The following TMTC2 variants were observed in gnomAD, a reference collection of about 807,000 sequenced individuals.
The protein encoded by TMTC2 is transmembrane O-mannosyltransferase targeting cadherins 2.
Under a neutral mutation model 82.4 loss-of-function variants are expected in TMTC2, and 43 were observed. The observed-to-expected ratio is 0.52, with a 90% CI of 0.41 to 0.67. The LOEUF (loss-of-function observed/expected upper bound fraction) is 0.67. Ranked by LOEUF, TMTC2 falls within the 30% of genes least tolerant of loss-of-function variation. TMTC2 has a pLI of 0.00. For synonymous variants in TMTC2, 408 were observed against 381.9 expected, an observed-to-expected ratio of 1.07 and a Z score of -0.80; for missense variants, 919 against 1,012.4, an observed-to-expected ratio of 0.91 and a Z score of 1.25.
intron 7 of TMTC2, among the ~76,000 whole-genome samples, chr12:82,969,315 G>T (rs1457124781): frequency 6.6e-6 from 1 of 152,082 alleles, no homozygotes; most frequent in Non-Finnish European, 1.5e-5. Context: ...GATTTAGCCT[G>T]TAAGTGTTCA....
chr12:82,903,948 A>G lies in TMTC2; in HGVS notation c.1483+7302A>G, dbSNP rs752122040. Among the ~76,000 whole-genome samples, 85 of 152,262 alleles carry G rather than the reference A, an allele frequency of 5.6e-4. No individual in the cohort carries two copies. The Middle Eastern group carries it at 0.01, about 18-fold the overall frequency. ...GGATGCTTTATCATGAGAGGGTTAG[A>G]ATCGGGAGTAGAGTTAGTTTCGGAT... On this transcript the variant is annotated intron_variant, in intron 3 of 11. Transcript: ENST00000321196.
chr12:82,735,969 TCACACACACACACACACA>T (rs148485109), intron 1 of TMTC2, among the ~76,000 whole-genome samples: 15,445 of 145,948 alleles, frequency 0.11, 1,060 homozygotes, highest in Non-Finnish European at 0.15. Flanking sequence ...CGAGACTCCG[TCACACACACACACACACA>T]CACACACACA....
At chr12:83,005,469 T>C (rs1880158516) in intron 8 of TMTC2, among the ~76,000 whole-genome samples, 1 of 151,982 alleles carries the variant, frequency 6.6e-6, no homozygotes, top group African/African-American at 2.4e-5. Context: ...ATCATATACG[T>C]TATTGGACCT....
chr12:82,745,829 C>T (rs1183689112), intron 1 of TMTC2, among the ~76,000 whole-genome samples: 2 of 152,152 alleles, frequency 1.3e-5, no homozygotes, highest in Non-Finnish European at 2.9e-5. Flanking sequence ...TTCAGAGCAT[C>T]GAGGAATATA....
chr12:82,973,447 T>C (rs775917398), intron 7 of TMTC2, among the ~76,000 whole-genome samples: 5 of 152,154 alleles, frequency 3.3e-5, no homozygotes, highest in Admixed American at 1.3e-4. Context: ...TTGAAGATTA[T>C]GTAGTCAATA....
rs186969399 is a variant in TMTC2 at position 83,016,578 on chromosome 12, T to C, written c.2071-14220T>C. Among the ~76,000 whole-genome samples the C allele has an allele frequency of 2.6e-5, 4 of 152,358 alleles. No individual in the cohort carries two copies. In the East Asian group the frequency reaches 5.8e-4, roughly 22 times the overall value. On this transcript the variant is annotated intron_variant, in intron 8 of 11. Transcript: ENST00000321196. ...GGAATTACCCCAGTTTATCTTTTCC[T>C]ATCCAGTGCTGCACACAATGCCAGG...
chr12:82,909,306 G>C (rs1332153058), intron 3 of TMTC2, among the ~76,000 whole-genome samples: 2 of 152,026 alleles, frequency 1.3e-5, no homozygotes, highest in African/African-American at 4.8e-5. Flanking sequence ...TTCACAGCTA[G>C]TTTACTTTTC....
chr12:83,077,163 C>G (rs1883307566), intron 11 of TMTC2, among the ~76,000 whole-genome samples: 1 of 152,134 alleles, frequency 6.6e-6, no homozygotes, highest in Non-Finnish European at 1.5e-5. Flanking sequence ...GGTATCTTGG[C>G]ATATTGACGT....
intron 8 of TMTC2, among the ~76,000 whole-genome samples, chr12:82,990,668 G>A (rs1835502956): frequency 1.3e-5 from 2 of 151,854 alleles, no homozygotes; most frequent in South Asian, 4.2e-4. Flanking sequence ...CACTAGATAT[G>A]GGGCAGGGGG....
chr12:83,076,045 C>G (rs1883275046), intron 11 of TMTC2, among the ~76,000 whole-genome samples: 1 of 152,208 alleles, frequency 6.6e-6, no homozygotes, highest in South Asian at 2.1e-4. Flanking sequence ...AATACAACTC[C>G]CTTGTTTACT....
chr12:82,965,557 C>T lies in TMTC2; in HGVS notation c.1685-3C>T, dbSNP rs534289033. On this transcript the variant is annotated splice_polypyrimidine_tract_variant and splice_region_variant and intron_variant, in intron 5 of 11. Transcript: ENST00000321196. ...CACTTTTGTTTCCACTTTTCCCCCTCAGCTGCATATTTAAATACCGGTATT... is the reference window on the plus strand; with the variant it reads ...CACTTTTGTTTCCACTTTTCCCCCTTAGCTGCATATTTAAATACCGGTATT... 4.3e-5 allele frequency: 70 copies of T among 1,613,380 alleles called. 1 individual carries two copies. The South Asian group carries it at 7.1e-4, about 16-fold the overall frequency.
chr12:82,872,342 T>C (rs1161907664), intron 2 of TMTC2, among the ~76,000 whole-genome samples: 1 of 152,144 alleles, frequency 6.6e-6, no homozygotes, highest in East Asian at 1.9e-4. Flanking sequence ...ACCCTGGAGG[T>C]TGGTCTTGAC....
At chr12:83,017,608 G>A (rs569443061) in intron 8 of TMTC2, among the ~76,000 whole-genome samples, 1 of 152,252 alleles carries the variant, frequency 6.6e-6, no homozygotes, top group Admixed American at 6.5e-5. Flanking sequence ...CCCAGTCTTA[G>A]TGTCCGCTGA....
At chr12:82,980,439 T>A (rs1356849658) in intron 7 of TMTC2, among the ~76,000 whole-genome samples, 1 of 151,788 alleles carries the variant, frequency 6.6e-6, no homozygotes, top group African/African-American at 2.4e-5. Context: ...TCAAACTCCA[T>A]GGAGAGACTA....
chr12:83,120,139 G>A (rs1218387032), intron 11 of TMTC2, among the ~76,000 whole-genome samples: 1 of 152,184 alleles, frequency 6.6e-6, no homozygotes, highest in Admixed American at 6.5e-5. Flanking sequence ...TTCAACGTTA[G>A]TATTGAGACA....
intron 2 of TMTC2, among the ~76,000 whole-genome samples, chr12:82,862,140 G>A (rs1871585331): frequency 6.6e-6 from 1 of 152,064 alleles, no homozygotes. Context: ...GTTTTATGTG[G>A]TCAAAAAATA....
intron 2 of TMTC2, among the ~76,000 whole-genome samples, chr12:82,872,281 T>C (rs891859058): frequency 1.3e-5 from 2 of 152,202 alleles, no homozygotes; most frequent in Non-Finnish European, 2.9e-5. Flanking sequence ...TCATTTCAAC[T>C]GTGGCCTTGC....
At chr12:82,957,101 A>G (rs1190419292) in intron 4 of TMTC2, among the ~76,000 whole-genome samples, 1 of 152,156 alleles carries the variant, frequency 6.6e-6, no homozygotes, top group Non-Finnish European at 1.5e-5. Context: ...TGTACATGGA[A>G]CATCACCCAA....
intron 3 of TMTC2, among the ~76,000 whole-genome samples, chr12:82,899,862 G>A (rs1873899194): frequency 7.0e-6 from 1 of 143,754 alleles, no homozygotes; most frequent in South Asian, 2.2e-4. Flanking sequence ...TAGATATGTA[G>A]GAATATATAT....
Sources: allele counts gnomAD v4.1 joint callset (sites outside exome capture counted in the v4.1 genomes callset), GRCh38; gene constraint gnomAD v4.1.1; transcripts MANE v1.5; gene names NCBI Gene and HGNC (gene_info 2026-07-23, HGNC 2026-07-21).